Variants in CHFR observed in about 807,000 individuals in gnomAD.
The protein encoded by CHFR is checkpoint with forkhead and ring finger domains.
A neutral mutation model predicts 87.6 loss-of-function variants in CHFR; 57 were observed. The ratio of observed to expected loss-of-function variants is 0.65; its 90% confidence interval spans 0.53 to 0.81. CHFR has a LOEUF of 0.81. Among genes scored for constraint, CHFR ranks in the 30% least tolerant of loss-of-function variants. CHFR has a pLI of 0.00. For synonymous variants in CHFR, 381 were observed against 359.2 expected (o/e 1.06, Z -0.69); for missense variants, 797 against 865.8 (o/e 0.92, Z 1.00).
chr12:132,859,187 T>C lies in CHFR; in HGVS notation c.792A>G (p.Gln264=), dbSNP rs769878915. ...GGACGGTTTGGGCATTTCTACGCGGTTGTGCGACCAACAACTGCCCGTTCA... is the reference window on the plus strand; with the variant it reads ...GGACGGTTTGGGCATTTCTACGCGGCTGTGCGACCAACAACTGCCCGTTCA... ...LDLNGQLLVA[Q]PRRNAQTVHE... The change falls in exon 8 of 18, where the codon CAA becomes CAG. Residue 264 remains glutamine (Q), a synonymous_variant. Transcript: ENST00000450056. 4 of 1,613,902 alleles carry C rather than the reference T, an allele frequency of 2.5e-6. No homozygotes were observed. The East Asian group carries it at 8.9e-5, about 36-fold the overall frequency.
intron 10 of CHFR, 65 bp downstream of exon 10, chr12:132,856,403 C>G: frequency 6.4e-7 from 1 of 1,563,668 alleles, no homozygotes. Context: ...GTAGTGAGCT[C>G]TCGGTCACGG....
chr12:132,844,019 C>T lies in CHFR; in HGVS notation c.1843+8G>A. On this transcript the variant is annotated splice_region_variant and intron_variant, in intron 16 of 17. Coordinates refer to ENST00000450056, the MANE Select transcript of CHFR (RefSeq NM_001161346.2). The stretch of plus-strand genomic sequence containing the variant: ...ACTAGAGCCATGAGGAAGTCGGGGG[C>T]TCCTTACCTGGCAACTCGGAAGCAG... The T allele has an allele frequency of 6.3e-7, 1 of 1,590,494 alleles. No homozygotes were observed.
chr12:132,885,275 G>C (rs1007976210), intron 2 of CHFR, among the ~76,000 whole-genome samples: 2 of 151,052 alleles, frequency 1.3e-5, no homozygotes, highest in South Asian at 4.2e-4. Flanking sequence ...GCCAGGCGTG[G>C]TGGTGGGCGC....
intron 9 of CHFR, 95 bp from the exon 10 acceptor site, chr12:132,856,725 G>A (rs748112188): frequency 2.3e-5 from 32 of 1,369,282 alleles, no homozygotes; most frequent in Admixed American, 8.4e-5. Flanking sequence ...GCAGTGCTGC[G>A]GAAGGAGGGG....
chr12:132,869,260 T>C (rs12824499), intron 6 of CHFR, among the ~76,000 whole-genome samples: 4 of 133,520 alleles, frequency 3.0e-5, no homozygotes, highest in South Asian at 2.5e-4. Flanking sequence ...AGGGGACATG[T>C]GGAGTCACTG....
chr12:132,841,691 C>A (rs529928344), intron 17 of CHFR, 95 bp from the exon 18 acceptor site: 2 of 1,014,298 alleles, frequency 2.0e-6, no homozygotes, highest in Non-Finnish European at 3.1e-6. Context: ...TTCAAATAAA[C>A]GCATTCGGAA....
intron 3 of CHFR, among the ~76,000 whole-genome samples, chr12:132,876,588 A>C (rs969274136): frequency 5.9e-5 from 9 of 152,190 alleles, no homozygotes; most frequent in African/African-American, 2.2e-4. Flanking sequence ...ATTTGAGGGA[A>C]AGAAATCAAA....
At chr12:132,876,479 C>A (rs887225753) in intron 3 of CHFR, among the ~76,000 whole-genome samples, 8 of 152,128 alleles carry the variant, frequency 5.3e-5, no homozygotes, top group African/African-American at 1.9e-4. Context: ...TGAAACAATC[C>A]AAAATCTAAA....
At chr12:132,843,574 A>G (rs1206849920) in intron 16 of CHFR, among the ~76,000 whole-genome samples, 1 of 152,236 alleles carries the variant, frequency 6.6e-6, no homozygotes, top group African/African-American at 2.4e-5. Flanking sequence ...AGGGCCTAAA[A>G]CAACCACAGC....
chr12:132,883,391 A>G (rs1356635019), intron 2 of CHFR, among the ~76,000 whole-genome samples: 1 of 139,180 alleles, frequency 7.2e-6, no homozygotes, highest in Non-Finnish European at 1.5e-5. Context: ...ACATCATTGC[A>G]CTCCAGCCTG....
chr12:132,864,118 C>T (rs935822276), intron 6 of CHFR, among the ~76,000 whole-genome samples: 70 of 151,104 alleles, frequency 4.6e-4, no homozygotes, highest in African/African-American at 1.5e-3. Context: ...CTTAGTTTAT[C>T]ATATTACAGC....
Position 132,853,727 on chromosome 12 carries a change from C to G in CHFR, c.1230-154G>C, listed in dbSNP as rs575456726. ...GCCGGGCCCCATTCCTGTCCAGCAC[C>G]CCAGTGTTAGAGAGGGACCAGAACG... On this transcript the variant is annotated intron_variant, in intron 10 of 17. Transcript: ENST00000450056. 35 of 863,914 alleles carry G rather than the reference C, an allele frequency of 4.1e-5. No homozygotes were observed. In the African/African-American group the frequency reaches 5.8e-4, roughly 14 times the overall value. 53.5% of individuals were successfully genotyped at this position (863,914 alleles called of 1,614,324 possible). A position where few individuals can be genotyped will look rare whatever the true frequency, so the allele number is the denominator to read the frequency against.
chr12:132,874,425 C>T (rs1221756704), intron 3 of CHFR, among the ~76,000 whole-genome samples: 6 of 149,060 alleles, frequency 4.0e-5, no homozygotes, highest in African/African-American at 4.9e-5. Flanking sequence ...GCACCCAGCG[C>T]GGGGAAGCCA....
intron 12 of CHFR, among the ~76,000 whole-genome samples, chr12:132,851,083 C>A (rs937405709): frequency 2.6e-5 from 4 of 151,752 alleles, no homozygotes; most frequent in Non-Finnish European, 2.9e-5. Context: ...CTCCTCCTCT[C>A]GGACTCAAGC....
At chr12:132,844,465 TA>T (rs1472128100) in intron 15 of CHFR, among the ~76,000 whole-genome samples, 1 of 142,810 alleles carries the variant, frequency 7.0e-6, no homozygotes, top group East Asian at 2.0e-4. Flanking sequence ...TTTGTATTTT[TA>T]GTAGAGACTG....
Position 132,847,131 on chromosome 12 carries a change from C to T in CHFR, c.1648-1G>A, listed in dbSNP as rs1950847909. On this transcript the variant is annotated splice_acceptor_variant, in intron 14 of 17. Transcript: ENST00000450056. LOFTEE classifies it high-confidence loss of function. ...TCAAACCTCTGGTTGCCAGGTAATT[C>T]TGTGACGCAAAAAAAGAGAGGAATA... 2.5e-6 allele frequency: 4 copies of T among 1,613,104 alleles called. No homozygotes were observed. The East Asian group carries it at 8.9e-5, about 36-fold the overall frequency.
intron 14 of CHFR, chr12:132,847,360 G>C (rs908616474): frequency 8.1e-7 from 1 of 1,229,976 alleles, no homozygotes; most frequent in South Asian, 1.9e-5. Flanking sequence ...AGTTACCAGA[G>C]TCTCTCAAAA....
At chr12:132,879,079 A>T (rs1951706694) in intron 2 of CHFR, among the ~76,000 whole-genome samples, 1 of 142,642 alleles carries the variant, frequency 7.0e-6, no homozygotes, top group African/African-American at 2.6e-5. Context: ...ATCTCGGCTC[A>T]CCACAACCTC....
rs1169405435 is a variant in CHFR at position 132,837,114 on chromosome 12, A to G, written c.*4440T>C. ...ATTAGCTGGTTCGGTGGAGAAGCAG[A>G]GGAACACCTGAGGGGCTCCAGGAGA... On this transcript the variant is annotated 3_prime_UTR_variant, in exon 18 of 18. Coordinates refer to ENST00000450056, the MANE Select transcript of CHFR (RefSeq NM_001161346.2). The G allele has an allele frequency of 1.9e-5, 6 of 309,302 alleles. No individual in the cohort carries two copies. Among genetic ancestry groups the G allele is most frequent in the Non-Finnish European group, 3.1e-5 (5 of 159,008 alleles). 19.2% of individuals were successfully genotyped at this position (309,302 alleles called of 1,614,324 possible).
Sources: gnomAD v4.1 joint callset for allele counts (sites outside exome capture counted in the v4.1 genomes callset) on GRCh38, gnomAD v4.1.1 for gene constraint, MANE v1.5 for transcripts, NCBI Gene and HGNC (gene_info 2026-07-23, HGNC 2026-07-21) for gene names.